The following RXRA variants were observed in gnomAD, a reference collection of about 807,000 sequenced individuals.
The protein encoded by RXRA is retinoic acid receptor RXR-alpha.
RXRA carries 5 observed loss-of-function variants against 44.5 expected under a neutral mutation model. The observed-to-expected ratio is 0.11, with a 90% CI of 0.06 to 0.24. RXRA has a LOEUF of 0.24. RXRA is among the 10% of genes least tolerant of loss of function. The pLI, the probability that RXRA is intolerant of heterozygous loss-of-function variation, is 1.00. For synonymous variants in RXRA, 291 were observed against 271.4 expected, an observed-to-expected ratio of 1.07 and a Z score of -0.71; for missense variants, 412 against 646.5, an observed-to-expected ratio of 0.64 and a Z score of 3.93.
At chr9:134,380,103 C>T (rs1046479400) in intron 1 of RXRA, 36 of 985,340 alleles carry the variant, frequency 3.7e-5, no homozygotes, top group Middle Eastern at 5.2e-4. Context: ...TCAGTCGTGC[C>T]GCCTGAGGGC....
intron 6 of RXRA, chr9:134,425,816 G>C: frequency 1.0e-6 from 1 of 985,426 alleles, no homozygotes. Flanking sequence ...GTGACTCTGG[G>C]GGGGCCCTGC....
intron 9 of RXRA, among the ~76,000 whole-genome samples, chr9:134,434,901 T>C (rs988744617): frequency 6.6e-6 from 1 of 151,776 alleles, no homozygotes; most frequent in Non-Finnish European, 1.5e-5. Flanking sequence ...GCAGACCTCA[T>C]AGGACACCCA....
chr9:134,371,086 C>T (rs1281027717), intron 1 of RXRA, among the ~76,000 whole-genome samples: 3 of 152,152 alleles, frequency 2.0e-5, no homozygotes, highest in Admixed American at 6.5e-5. Flanking sequence ...CTCTGGGACA[C>T]GCTCAAGAGA....
In RXRA at chr9:134,426,119, G is replaced by A. The variant is rs1344989064; in HGVS notation, c.911-2989G>A. ...GAAGGGCCAGCCTCTTGAGTTGGAG[G>A]ACATAGTGACCAAGGGAGCAGCCCC... On this transcript the variant is annotated intron_variant, in intron 6 of 9. Coordinates refer to ENST00000481739, the MANE Select transcript of RXRA (RefSeq NM_002957.6). The surrounding 1 kb of genome is among the most constrained non-coding windows in gnomAD (Gnocchi z 4.6). The A allele has an allele frequency of 1.0e-6, 1 of 985,438 alleles. No individual in the cohort carries two copies. Among genetic ancestry groups the A allele is most frequent in the Non-Finnish European group, 1.2e-6 (1 of 829,922 alleles). The allele number at this position is 985,438 out of a possible 1,614,324, so 61.0% of individuals were successfully genotyped here. A position where few individuals can be genotyped will look rare whatever the true frequency, so the allele number is the denominator to read the frequency against.
rs963561671 is a variant in RXRA at position 134,440,160 on chromosome 9, G to C, written c.*3546G>C. On this transcript the variant is annotated 3_prime_UTR_variant, in exon 10 of 10. Transcript: ENST00000481739. Reference sequence around the variant, plus strand: ...CATGTATACTTGGATATGGCGGGGGGAGGGCTGGGACTGTTTCGTTTCTGC... The same window carrying C: ...CATGTATACTTGGATATGGCGGGGGCAGGGCTGGGACTGTTTCGTTTCTGC... The C allele has an allele frequency of 6.6e-6, 1 of 152,162 alleles. No homozygotes were observed. The highest frequency in any genetic ancestry group is 1.5e-5 in the Non-Finnish European group (1 of 68,018). The allele number at this position is 152,162 out of a possible 1,614,324, so 9.4% of individuals were successfully genotyped here.
chr9:134,425,421 C>T lies in RXRA; in HGVS notation c.910+3616C>T, dbSNP rs1049467876. 12 of 985,156 alleles carry T rather than the reference C, an allele frequency of 1.2e-5. No homozygotes were observed. In the South Asian group the frequency reaches 1.9e-4, roughly 15 times the overall value. The allele number at this position is 985,156 out of a possible 1,614,324, so 61.0% of individuals were successfully genotyped here. ...GTCGCTCACAGCTTTCAGGTTTCTC[C>T]GTCCAACCTCCTTCCCACCTGCCCC... On this transcript the variant is annotated intron_variant, in intron 6 of 9. Coordinates refer to ENST00000481739, the MANE Select transcript of RXRA (RefSeq NM_002957.6).
chr9:134,363,650 G>A (rs1348888786), intron 1 of RXRA, among the ~76,000 whole-genome samples: 1 of 152,246 alleles, frequency 6.6e-6, no homozygotes, highest in Non-Finnish European at 1.5e-5. Flanking sequence ...TGCCGCACCT[G>A]TGCGGCACCG....
rs1043029414 is a variant in RXRA at position 134,440,098 on chromosome 9, A to G, written c.*3484A>G. On this transcript the variant is annotated 3_prime_UTR_variant, in exon 10 of 10. Coordinates refer to ENST00000481739, the MANE Select transcript of RXRA (RefSeq NM_002957.6). Reference sequence around the variant, plus strand: ...CTAAAGCATCTGGAAAGGTAAAAAAAAAAAATCTATTTTTGTACAAATGTA... The same window carrying G: ...CTAAAGCATCTGGAAAGGTAAAAAAGAAAAATCTATTTTTGTACAAATGTA... 2 of 152,390 alleles carry G rather than the reference A, an allele frequency of 1.3e-5. No individual in the cohort carries two copies. Among genetic ancestry groups the G allele is most frequent in the Non-Finnish European group, 2.9e-5 (2 of 68,046 alleles). The allele number at this position is 152,390 out of a possible 1,614,324, so 9.4% of individuals were successfully genotyped here.
At chr9:134,424,671 A>T in intron 6 of RXRA, 1 of 985,464 alleles carries the variant, frequency 1.0e-6, no homozygotes, top group Non-Finnish European at 1.2e-6. Context: ...CACACGTCCA[A>T]TTCAGATGTG....
Position 134,365,798 on chromosome 9 carries a change from C to T in RXRA, c.29-35834C>T, listed in dbSNP as rs1830407396. ...GCCCCAGGGGAAGGGAGGGCCAGCC[C>T]AGAAGGACCCTCCCATTACCCTCTG... On this transcript the variant is annotated intron_variant, in intron 1 of 9. Transcript: ENST00000481739. The surrounding 1 kb of genome is among the most constrained non-coding windows in gnomAD (Gnocchi z 4.0). 6.6e-6 allele frequency among the ~76,000 whole-genome samples: 1 copy of T among 151,952 alleles called. No homozygotes were observed. The highest frequency in any genetic ancestry group is 2.4e-5 in the African/African-American group (1 of 41,354).
intron 1 of RXRA, among the ~76,000 whole-genome samples, chr9:134,329,366 C>T (rs913360733): frequency 2.6e-5 from 4 of 152,356 alleles, no homozygotes; most frequent in South Asian, 2.1e-4. Context: ...GGGCGCTGCC[C>T]GACGGCAGGG....
intron 4 of RXRA, among the ~76,000 whole-genome samples, chr9:134,414,125 G>A (rs181369078): frequency 2.6e-5 from 4 of 152,342 alleles, no homozygotes; most frequent in East Asian, 3.9e-4. Context: ...TAAATAAAGC[G>A]ATCATATTTA....
chr9:134,415,950 C>A (rs1327818105), intron 4 of RXRA, among the ~76,000 whole-genome samples: 1 of 152,190 alleles, frequency 6.6e-6, no homozygotes, highest in Non-Finnish European at 1.5e-5. Context: ...AGTTTTCTCA[C>A]CGGTACAATG....
At chr9:134,345,583 G>A (rs1830140240) in intron 1 of RXRA, among the ~76,000 whole-genome samples, 1 of 152,198 alleles carries the variant, frequency 6.6e-6, no homozygotes, top group Non-Finnish European at 1.5e-5. Context: ...CACCCACTAG[G>A]TGTTCATCCA....
intron 2 of RXRA, chr9:134,404,120 C>T (rs1186701748): frequency 6.6e-6 from 1 of 152,248 alleles, no homozygotes; most frequent in African/African-American, 2.4e-5. Context: ...GCCCCCACTC[C>T]TAGCCCCAAA....
At chr9:134,403,554 T>G (rs1238213747) in intron 2 of RXRA, 1 of 152,294 alleles carries the variant, frequency 6.6e-6, no homozygotes, top group Non-Finnish European at 1.5e-5. Flanking sequence ...CTCCCAGGTC[T>G]GCCGCCTGTC....
chr9:134,414,908 C>T (rs1297719536), intron 4 of RXRA, among the ~76,000 whole-genome samples: 3 of 152,146 alleles, frequency 2.0e-5, no homozygotes, highest in East Asian at 1.9e-4. Flanking sequence ...GTAGTGACCC[C>T]GCCCCGGATG....
At chr9:134,409,887 C>G (rs576789682) in intron 4 of RXRA, among the ~76,000 whole-genome samples, 1 of 152,156 alleles carries the variant, frequency 6.6e-6, no homozygotes, top group Non-Finnish European at 1.5e-5. Flanking sequence ...TTGGTCTGTC[C>G]CTGTCCCCCC....
At chr9:134,388,518 C>T (rs556924817) in intron 1 of RXRA, among the ~76,000 whole-genome samples, 12 of 152,284 alleles carry the variant, frequency 7.9e-5, no homozygotes, top group African/African-American at 2.2e-4. Context: ...CTCCTGGTGA[C>T]GGTCCTTTCT....
Sources: allele counts gnomAD v4.1 joint callset (sites outside exome capture counted in the v4.1 genomes callset), GRCh38; gene constraint gnomAD v4.1.1; non-coding constraint Gnocchi (gnomAD v3.1); transcripts MANE v1.5; gene names NCBI Gene and HGNC (gene_info 2026-07-23, HGNC 2026-07-21).